Variants in VEPH1 observed in about 807,000 individuals in gnomAD.
The protein encoded by VEPH1 is ventricular zone expressed PH domain containing 1, also known as ventricular zone-expressed PH domain-containing protein homolog 1.
In VEPH1, 80 loss-of-function variants were observed where a neutral mutation model predicts 85.2. That is an observed-to-expected ratio of 0.94 (90% CI 0.78 to 1.13). VEPH1 has a LOEUF of 1.13. VEPH1 is among the 50% of genes most tolerant of loss of function. VEPH1 has a pLI of 0.00. For synonymous variants in VEPH1, 297 were observed against 348.0 expected, an observed-to-expected ratio of 0.85 and a Z score of 1.63; for missense variants, 955 against 980.5, an observed-to-expected ratio of 0.97 and a Z score of 0.35.
intron 4 of VEPH1, among the ~76,000 whole-genome samples, chr3:157,448,939 A>G (rs1330509185): frequency 2.0e-5 from 3 of 152,152 alleles, no homozygotes; most frequent in Non-Finnish European, 4.4e-5. Context: ...GGTAGTAAAT[A>G]AGTCTCATGA....
intron 6 of VEPH1, among the ~76,000 whole-genome samples, chr3:157,391,537 GCACA>G (rs2108921253): frequency 6.6e-6 from 1 of 152,312 alleles, no homozygotes; most frequent in South Asian, 2.1e-4. Flanking sequence ...CGGCATGGCT[GCACA>G]GACACTGTGC....
intron 9 of VEPH1, among the ~76,000 whole-genome samples, chr3:157,348,180 A>G (rs1724453411): frequency 1.3e-5 from 2 of 152,060 alleles, no homozygotes; most frequent in African/African-American, 4.8e-5. Context: ...AGCTGACTAA[A>G]CCACTGTGTG....
At chr3:157,361,541 G>A (rs577062402) in intron 9 of VEPH1, among the ~76,000 whole-genome samples, 2 of 152,320 alleles carry the variant, frequency 1.3e-5, no homozygotes, top group African/African-American at 2.4e-5. Context: ...AGGCTGAGCT[G>A]TCTGGCTTTT....
At chr3:157,482,427 T>C (rs1230491072) in intron 2 of VEPH1, among the ~76,000 whole-genome samples, 1 of 152,172 alleles carries the variant, frequency 6.6e-6, no homozygotes, top group Non-Finnish European at 1.5e-5. Context: ...GGTTTCACCA[T>C]GTTGGCCAGG....
chr3:157,309,833 G>T (rs938306126), intron 11 of VEPH1, among the ~76,000 whole-genome samples: 2 of 152,030 alleles, frequency 1.3e-5, no homozygotes, highest in South Asian at 2.1e-4. Flanking sequence ...AGGCTGGAGT[G>T]CAGTGGCGGG....
rs556406796 is a variant in VEPH1, at chr3:157,394,548, A to G, written c.907-13172T>C. 6.6e-5 allele frequency among the ~76,000 whole-genome samples: 10 copies of G among 152,320 alleles called. No homozygotes were observed. The South Asian group carries it at 2.1e-3, about 32-fold the overall frequency. On this transcript the variant is annotated intron_variant, in intron 6 of 13. Coordinates refer to ENST00000362010, the MANE Select transcript of VEPH1 (RefSeq NM_001167912.2). ...AATTTATAAGAGGTTTAATTGGTTC[A>G]TGGTTCTGCAGGCTGTTCATGAAGC...
chr3:157,387,364 A>G (rs1729413321), intron 6 of VEPH1, among the ~76,000 whole-genome samples: 1 of 152,210 alleles, frequency 6.6e-6, no homozygotes, highest in South Asian at 2.1e-4. Context: ...GGTACTTGAC[A>G]TATGCATTTT....
chr3:157,369,224 T>C (rs558488290), intron 7 of VEPH1, among the ~76,000 whole-genome samples: 164 of 113,106 alleles, frequency 1.4e-3, no homozygotes, highest in Non-Finnish European at 2.0e-3. Context: ...GTCTACCAGA[T>C]GCCCATGAGA....
At chr3:157,364,555 A>G in intron 7 of VEPH1, 43 bp from the exon 8 acceptor site, 4 of 1,553,676 alleles carry the variant, frequency 2.6e-6, no homozygotes, top group Non-Finnish European at 3.5e-6. Flanking sequence ...GGTCATATAT[A>G]CTCTTCAGAA....
At chr3:157,281,101 T>TGTGAGA (rs371002819) in intron 12 of VEPH1, among the ~76,000 whole-genome samples, 1 of 148,632 alleles carries the variant, frequency 6.7e-6, no homozygotes, top group African/African-American at 2.5e-5. Context: ...TGTGTGTGTG[T>TGTGAGA]GAGAGAGAGA....
intron 6 of VEPH1, among the ~76,000 whole-genome samples, chr3:157,398,991 T>C (rs1484147795): frequency 1.3e-5 from 2 of 152,122 alleles, no homozygotes; most frequent in Non-Finnish European, 2.9e-5. Context: ...CTGACCATCA[T>C]AGATTGTGAG....
chr3:157,279,396 C>G (rs1454049938), intron 12 of VEPH1, among the ~76,000 whole-genome samples: 2 of 152,034 alleles, frequency 1.3e-5, no homozygotes, highest in Non-Finnish European at 2.9e-5. Flanking sequence ...TTAATGACTA[C>G]AGAGAGAGAT....
chr3:157,443,785 C>G (rs1734330155), intron 4 of VEPH1, among the ~76,000 whole-genome samples: 1 of 152,104 alleles, frequency 6.6e-6, no homozygotes, highest in Non-Finnish European at 1.5e-5. Flanking sequence ...TTATCTCTGC[C>G]AAGTCAATTC....
chr3:157,293,248 G>A (rs1415972615), intron 11 of VEPH1, among the ~76,000 whole-genome samples: 1 of 152,106 alleles, frequency 6.6e-6, no homozygotes, highest in Non-Finnish European at 1.5e-5. Flanking sequence ...TGATGTGGAA[G>A]GACTCATAGT....
intron 12 of VEPH1, among the ~76,000 whole-genome samples, chr3:157,278,249 A>G (rs1476572937): frequency 6.6e-6 from 1 of 152,214 alleles, no homozygotes; most frequent in East Asian, 1.9e-4. Context: ...GAAGCTGTGA[A>G]TTTGATTTGT....
chr3:157,487,463 G>T (rs1246724104), intron 2 of VEPH1, among the ~76,000 whole-genome samples: 1 of 152,040 alleles, frequency 6.6e-6, no homozygotes, highest in African/African-American at 2.4e-5. Context: ...AATTTATAGT[G>T]CCAGAGAGTT....
chr3:157,333,708 C>T (rs193264554), intron 9 of VEPH1, among the ~76,000 whole-genome samples: 121 of 152,322 alleles, frequency 7.9e-4, no homozygotes, highest in African/African-American at 2.9e-3. Flanking sequence ...GGCAGGCAAG[C>T]CGTGATCCCC....
intron 9 of VEPH1, among the ~76,000 whole-genome samples, chr3:157,355,926 GTCTCT>G (rs1725376763): frequency 6.7e-6 from 1 of 148,814 alleles, no homozygotes; most frequent in Non-Finnish European, 1.5e-5. Flanking sequence ...TTGAGACTGG[GTCTCT>G]CTTTGTCACC....
intron 9 of VEPH1, among the ~76,000 whole-genome samples, chr3:157,322,630 G>C (rs540923026): frequency 6.6e-6 from 1 of 152,186 alleles, no homozygotes; most frequent in Admixed American, 6.6e-5. Context: ...GCTGTCCAGA[G>C]CAGGGCTGGA....
Sources: gnomAD v4.1 joint callset for allele counts (sites outside exome capture counted in the v4.1 genomes callset) on GRCh38, gnomAD v4.1.1 for gene constraint, MANE v1.5 for transcripts, NCBI Gene and HGNC (gene_info 2026-07-23, HGNC 2026-07-21) for gene names.